SLC26A5: variants seen among roughly 807,000 people sequenced by gnomAD.
SLC26A5 encodes solute carrier family 26 member 5.
Under a neutral mutation model 81.0 loss-of-function variants are expected in SLC26A5, and 51 were observed. The observed-to-expected ratio is 0.63, with a 90% CI of 0.50 to 0.80. The LOEUF is 0.80. SLC26A5 is among the 30% of genes least tolerant of loss of function. The pLI, the probability that SLC26A5 is intolerant of heterozygous loss-of-function variation, is 0.00. For synonymous variants in SLC26A5, 325 were observed against 332.8 expected (o/e 0.98, Z 0.25); for missense variants, 771 against 905.8 (o/e 0.85, Z 1.91).
intron 19 of SLC26A5, chr7:103,364,448 G>C (rs1820584113): frequency 1.1e-5 from 10 of 928,282 alleles, no homozygotes; most frequent in Non-Finnish European, 1.6e-5. Context: ...TCATTGTGTT[G>C]CCCAGGCTGG....
In SLC26A5 at chr7:103,367,462, A is replaced by G. The variant is rs1424239415; in HGVS notation, c.2041+9346T>C. The G allele has an allele frequency of 1.2e-6, 2 of 1,614,126 alleles. No individual in the cohort carries two copies. The highest frequency in any genetic ancestry group is 4.5e-5 in the East Asian group (2 of 44,870). ...GAGGTGACAATGAAGTGCAGAGAAC[A>G]ATGTTGGAACTGATCAATCAGCTTG... On this transcript the variant is annotated intron_variant, in intron 19 of 19. Transcript: ENST00000339444. The surrounding 1 kb of genome is among the most constrained non-coding windows in gnomAD (Gnocchi z 6.1).
At position 103,411,472 on chromosome 7, in the gene SLC26A5, G is replaced by A; in HGVS notation, c.518C>T (p.Ala173Val). 6.2e-7 allele frequency: 1 copy of A among 1,614,124 alleles called. No individual in the cohort carries two copies. The highest frequency in any genetic ancestry group is 8.5e-7 in the Non-Finnish European group (1 of 1,180,024). ...NATNGTEARD[A>V]LRVKVAMSVT... ...AGACATGGCGACTTTCACTCTCAAG[G>A]CATCTCTGGCCTCTGTGCCATTGGT... The change falls in exon 6 of 20, where the codon GCC (alanine) becomes GTC (valine). Residue 173 changes from alanine (A) to valine (V), a missense_variant. Transcript: ENST00000306312.
intron 4 of SLC26A5, among the ~76,000 whole-genome samples, chr7:103,416,824 A>G (rs1824947672): frequency 6.6e-6 from 1 of 152,208 alleles, no homozygotes; most frequent in Admixed American, 6.5e-5. Flanking sequence ...TTTTAAGACA[A>G]TTAGAGATAA....
At position 103,409,179 on chromosome 7, in the gene SLC26A5, T is replaced by G. The variant is rs1201814446; in HGVS notation, c.736-1176A>C. The stretch of plus-strand genomic sequence containing the variant: ...AACACAAATTGTAATTGACTACACA[T>G]GTATGCGATTAATGGTTTACAATCT... On this transcript the variant is annotated intron_variant, in intron 7 of 19. Coordinates refer to ENST00000306312, the MANE Select transcript of SLC26A5 (RefSeq NM_198999.3). 2.0e-5 allele frequency among the ~76,000 whole-genome samples: 3 copies of G among 152,224 alleles called. No individual in the cohort carries two copies. The East Asian group carries it at 5.8e-4, about 29-fold the overall frequency.
chr7:103,413,301 T>C (rs1407582990), intron 4 of SLC26A5, among the ~76,000 whole-genome samples, 189 bp from the exon 5 acceptor site: 2 of 152,200 alleles, frequency 1.3e-5, no homozygotes, highest in Non-Finnish European at 2.9e-5. Context: ...TGAGAAACTT[T>C]GCATTGTCAT....
chr7:103,366,247 T>C (rs1395462726), intron 19 of SLC26A5: 11 of 1,231,940 alleles, frequency 8.9e-6, no homozygotes, highest in Non-Finnish European at 1.3e-5. Flanking sequence ...GTTAATCTTG[T>C]ACAGAATTTT....
intron 16 of SLC26A5, among the ~76,000 whole-genome samples, chr7:103,378,801 T>C (rs1310823059): frequency 1.3e-5 from 2 of 152,212 alleles, no homozygotes; most frequent in Non-Finnish European, 2.9e-5. Flanking sequence ...GAGCAGTCTT[T>C]TTCAAGTTCA....
chr7:103,362,396 G>A, intron 19 of SLC26A5: 1 of 1,336,580 alleles, frequency 7.5e-7, no homozygotes, highest in Non-Finnish European at 9.6e-7. Context: ...TAGTTGTGAT[G>A]CTAAGTGTGT....
chr7:103,395,786 T>TG (rs1823063778), intron 9 of SLC26A5, among the ~76,000 whole-genome samples: 1 of 152,100 alleles, frequency 6.6e-6, no homozygotes, highest in Non-Finnish European at 1.5e-5. Flanking sequence ...CCTAAAGTGC[T>TG]GGGATTACAG....
chr7:103,414,352 AT>A (rs1284834579), intron 4 of SLC26A5, among the ~76,000 whole-genome samples: 1 of 151,420 alleles, frequency 6.6e-6, no homozygotes, highest in Non-Finnish European at 1.5e-5. Context: ...CACCTGGCTA[AT>A]TTTTGTAGAG....
At chr7:103,375,099 TAC>T (rs1821260779) in intron 19 of SLC26A5, among the ~76,000 whole-genome samples, 1 of 142,736 alleles carries the variant, frequency 7.0e-6, no homozygotes. Context: ...CACATATATA[TAC>T]ATATATATAT....
At chr7:103,430,598 A>C (rs557712763) in intron 2 of SLC26A5, among the ~76,000 whole-genome samples, 58,801 of 151,754 alleles carry the variant, frequency 0.39, 15,447 homozygotes, top group African/African-American at 0.74. Flanking sequence ...TCCAGAGAGG[A>C]TGGCTTTGGA....
intron 11 of SLC26A5, 78 bp downstream of exon 11, chr7:103,391,544 G>C (rs1822653815): frequency 8.2e-7 from 1 of 1,213,334 alleles, no homozygotes; most frequent in Non-Finnish European, 1.2e-6. Context: ...GCTTTGTTTG[G>C]GTTCAGAATA....
intron 19 of SLC26A5, among the ~76,000 whole-genome samples, chr7:103,366,863 G>A (rs1820743856): frequency 6.6e-6 from 1 of 152,068 alleles, no homozygotes; most frequent in South Asian, 2.1e-4. Flanking sequence ...GGAGTTCAGT[G>A]GCATGATCTT....
intron 19 of SLC26A5, among the ~76,000 whole-genome samples, chr7:103,375,904 C>T (rs1311079063): frequency 1.3e-5 from 2 of 151,812 alleles, no homozygotes; most frequent in Admixed American, 1.3e-4. Flanking sequence ...TAAAGTCATG[C>T]GCCACCAAGC....
chr7:103,366,429 T>G (rs1820723396), intron 19 of SLC26A5, among the ~76,000 whole-genome samples: 1 of 152,250 alleles, frequency 6.6e-6, no homozygotes, highest in Admixed American at 6.5e-5. Flanking sequence ...AGAAGTGTTT[T>G]GGAATTCACA....
chr7:103,404,683 A>T (rs1823885326), intron 8 of SLC26A5, among the ~76,000 whole-genome samples: 1 of 152,040 alleles, frequency 6.6e-6, no homozygotes, highest in African/African-American at 2.4e-5. Context: ...CTTGAGGAGT[A>T]TCTTTGTGGT....
chr7:103,404,894 T>C (rs955458601), intron 8 of SLC26A5, among the ~76,000 whole-genome samples: 1 of 152,192 alleles, frequency 6.6e-6, no homozygotes, highest in African/African-American at 2.4e-5. Context: ...TCATTCTTTT[T>C]TTTTCCTCTA....
intron 17 of SLC26A5, among the ~76,000 whole-genome samples, chr7:103,378,211 T>A (rs2116354186): frequency 6.6e-6 from 1 of 152,346 alleles, no homozygotes; most frequent in South Asian, 2.1e-4. Context: ...TGGTAAAATC[T>A]GTTAAGGTAT....
Sources: allele counts gnomAD v4.1 joint callset (sites outside exome capture counted in the v4.1 genomes callset), GRCh38; gene constraint gnomAD v4.1.1; non-coding constraint Gnocchi (gnomAD v3.1); transcripts MANE v1.5; gene names NCBI Gene and HGNC (gene_info 2026-07-23, HGNC 2026-07-21).